RPS6KC1: variants seen among roughly 807,000 people sequenced by gnomAD.
RPS6KC1 encodes the protein inactive ribosomal protein S6 kinase delta-1.
In RPS6KC1, 54 loss-of-function variants were observed where a neutral mutation model predicts 103.8. The ratio of observed to expected loss-of-function variants is 0.52; its 90% CI spans 0.42 to 0.65. The LOEUF (loss-of-function observed/expected upper bound fraction) is 0.65. RPS6KC1 is among the 30% of genes least tolerant of loss of function. The pLI is 0.00. For missense variants in RPS6KC1, 1,151 were observed against 1,253.8 expected (o/e 0.92, Z 1.24); for synonymous variants, 439 against 438.7 (o/e 1.00, Z -0.01).
chr1:213,792,085 C>T, the RPS6KC1 span, among the ~76,000 whole-genome samples: 1 of 152,174 alleles, frequency 6.6e-6, no homozygotes, highest in Non-Finnish European at 1.5e-5. Flanking sequence ...TTCCCCAATA[C>T]TGTGCCCCTG....
intron 1 of RPS6KC1, among the ~76,000 whole-genome samples, chr1:213,057,323 A>T (rs2077415551): frequency 6.6e-6 from 1 of 152,188 alleles, no homozygotes; most frequent in Middle Eastern, 3.2e-3. Flanking sequence ...GGCTGGAAGG[A>T]GGCAGCGCTT....
the RPS6KC1 span, among the ~76,000 whole-genome samples, chr1:213,392,039 C>A: frequency 6.6e-6 from 1 of 152,102 alleles, no homozygotes; most frequent in Non-Finnish European, 1.5e-5. Context: ...GCTTCAAAAG[C>A]CTTAGCAGGG....
the RPS6KC1 span, among the ~76,000 whole-genome samples, chr1:213,284,509 C>T: frequency 7.4e-6 from 1 of 134,934 alleles, no homozygotes; most frequent in African/African-American, 2.8e-5. Context: ...GACTTGGTCT[C>T]AGAAAAAAAA....
At chr1:213,691,890 C>A in the RPS6KC1 span, among the ~76,000 whole-genome samples, 5 of 152,138 alleles carry the variant, frequency 3.3e-5, no homozygotes, top group African/African-American at 7.2e-5. Flanking sequence ...CCCAAAGGGG[C>A]AGGAAGGCTC....
intron 8 of RPS6KC1, among the ~76,000 whole-genome samples, chr1:213,214,555 T>C (rs185704990): frequency 6.6e-6 from 1 of 152,274 alleles, no homozygotes; most frequent in East Asian, 1.9e-4. Flanking sequence ...GACCTTGAGA[T>C]CTGAGAATGG....
At chr1:213,188,847 TAAATG>T (rs1558503311) in intron 8 of RPS6KC1, among the ~76,000 whole-genome samples, 2 of 145,934 alleles carry the variant, frequency 1.4e-5, no homozygotes, top group African/African-American at 4.9e-5. Context: ...TTTTTTTTTT[TAAATG>T]TAAATATAGA....
the RPS6KC1 span, among the ~76,000 whole-genome samples, chr1:213,427,383 A>G: frequency 5.3e-5 from 8 of 152,254 alleles, no homozygotes; most frequent in Admixed American, 6.5e-5. Context: ...CTTGAACCAT[A>G]TGCACACCCT....
chr1:213,550,967 C>T, the RPS6KC1 span, among the ~76,000 whole-genome samples: 1 of 152,308 alleles, frequency 6.6e-6, no homozygotes. Flanking sequence ...CCTAAGTGCA[C>T]CAGTCAGGCC....
At chr1:213,597,370 C>G in the RPS6KC1 span, among the ~76,000 whole-genome samples, 1 of 152,122 alleles carries the variant, frequency 6.6e-6, no homozygotes, top group Admixed American at 6.5e-5. Context: ...TGGGCCATGT[C>G]CGCCAGTCTA....
In RPS6KC1 at chr1:213,080,148, CCTCAGGTGAT is replaced by C. The variant is rs560150334; in HGVS notation, c.262+2335_262+2344del. Among the ~76,000 whole-genome samples, 994 of 152,024 alleles carry C rather than the reference CCTCAGGTGAT, an allele frequency of 6.5e-3. 31 individuals carry two copies. Among genetic ancestry groups the C allele is most frequent in the Non-Finnish European group, 3.1e-3 (210 of 67,960 alleles). On this transcript the variant is annotated intron_variant, in intron 3 of 14. Transcript: ENST00000366960. ...GGACAGGCTGGTCTTGAACTCCTGA[CCTCAGGTGAT>C]CTGGCCTCCTTGGCCTCCCAAAGTG...
chr1:213,740,549 T>A, the RPS6KC1 span, among the ~76,000 whole-genome samples: 1 of 151,980 alleles, frequency 6.6e-6, no homozygotes, highest in Admixed American at 6.6e-5. Flanking sequence ...GACATTCACA[T>A]CTAATAGAGA....
chr1:213,457,438 G>A, the RPS6KC1 span, among the ~76,000 whole-genome samples: 1 of 152,308 alleles, frequency 6.6e-6, no homozygotes, highest in East Asian at 1.9e-4. Context: ...TCTTCTGCCT[G>A]CATTAGTTAA....
chr1:213,854,046 A>C, the RPS6KC1 span, among the ~76,000 whole-genome samples: 2 of 152,248 alleles, frequency 1.3e-5, no homozygotes, highest in Admixed American at 6.5e-5. Context: ...AACAAAGTGA[A>C]ATTGAAAAAG....
chr1:213,447,073 ATT>A, the RPS6KC1 span, among the ~76,000 whole-genome samples: 6 of 145,432 alleles, frequency 4.1e-5, no homozygotes, highest in East Asian at 2.0e-4. Context: ...TGATGCCAGT[ATT>A]TTTTTTTTTT....
intron 10 of RPS6KC1, among the ~76,000 whole-genome samples, chr1:213,235,683 C>G (rs545599358): frequency 1.6e-4 from 25 of 152,122 alleles, no homozygotes; most frequent in Non-Finnish European, 2.9e-4. Flanking sequence ...ACAGAAAGAG[C>G]AGTAGGAGGA....
At chr1:213,456,178 C>T in the RPS6KC1 span, among the ~76,000 whole-genome samples, 1 of 152,154 alleles carries the variant, frequency 6.6e-6, no homozygotes, top group Non-Finnish European at 1.5e-5. Context: ...ACGGAGTGTG[C>T]GTCCCGTGCA....
intron 6 of RPS6KC1, among the ~76,000 whole-genome samples, chr1:213,144,905 T>C (rs1283819840): frequency 6.6e-6 from 1 of 151,868 alleles, no homozygotes; most frequent in Non-Finnish European, 1.5e-5. Context: ...TGAAAACCCA[T>C]CTCTACTAAA....
the RPS6KC1 span, among the ~76,000 whole-genome samples, chr1:213,510,275 C>G: frequency 6.6e-6 from 1 of 152,174 alleles, no homozygotes; most frequent in Non-Finnish European, 1.5e-5. Flanking sequence ...TACCAATCAC[C>G]AGATCCGGAG....
chr1:213,290,661 C>A, the RPS6KC1 span, among the ~76,000 whole-genome samples: 7 of 151,858 alleles, frequency 4.6e-5, no homozygotes, highest in African/African-American at 1.7e-4. Flanking sequence ...TTTTGCTGTT[C>A]CACTTTCAGT....
Sources: allele counts gnomAD v4.1 joint callset (sites outside exome capture counted in the v4.1 genomes callset), GRCh38; gene constraint gnomAD v4.1.1; transcripts MANE v1.5; gene names NCBI Gene and HGNC (gene_info 2026-07-23, HGNC 2026-07-21).